The following GNPDA1 variants were observed in gnomAD, a reference collection of about 807,000 sequenced individuals.
GNPDA1 encodes the protein glucosamine-6-phosphate deaminase 1, also known as GNPDA 1.
GNPDA1 carries 24 observed loss-of-function variants against 28.5 expected under a neutral mutation model. The observed-to-expected ratio is 0.84, with a 90% CI of 0.61 to 1.19. The LOEUF (loss-of-function observed/expected upper bound fraction) is 1.19. Ranked by LOEUF, GNPDA1 falls within the 50% of genes most tolerant of loss-of-function variation. The probability of loss-of-function intolerance (pLI) is 0.00; values close to 1 mark genes in which losing one functional copy is unlikely to be tolerated. For synonymous variants in GNPDA1, 147 were observed against 139.3 expected (o/e 1.06, Z -0.39); for missense variants, 264 against 367.3 (o/e 0.72, Z 2.30).
intron 1 of GNPDA1, 186 bp downstream of exon 1, chr5:142,012,809 C>T (rs1755995939): frequency 6.4e-6 from 2 of 312,780 alleles, no homozygotes; most frequent in Non-Finnish European, 9.3e-6. Flanking sequence ...AGGTGGCCCG[C>T]GCGGTCGTCG....
At chr5:142,005,284 C>T in intron 4 of GNPDA1, 168 bp from the exon 5 acceptor site, 1 of 517,994 alleles carries the variant, frequency 1.9e-6, no homozygotes, top group African/African-American at 1.9e-5. Flanking sequence ...TGATCTGTCC[C>T]CCTCCCTACC....
At chr5:142,004,841 A>T in intron 5 of GNPDA1, 91 bp downstream of exon 5, 1 of 793,556 alleles carries the variant, frequency 1.3e-6, no homozygotes, top group Non-Finnish European at 1.9e-6. Flanking sequence ...CTTCATCTTT[A>T]ATAAGAATGT....
chr5:142,007,662 C>A (rs1057166966), intron 3 of GNPDA1, 137 bp downstream of exon 3: 4 of 646,310 alleles, frequency 6.2e-6, no homozygotes, highest in East Asian at 2.6e-5. Context: ...GCTGAGTAAA[C>A]CAAGAGGTAA....
At chr5:142,006,372 C>A in intron 3 of GNPDA1, 46 bp from the exon 4 acceptor site, 1 of 1,441,710 alleles carries the variant, frequency 6.9e-7, no homozygotes, top group Non-Finnish European at 9.7e-7. Flanking sequence ...CAAGCCAAAG[C>A]CCCTCTCCTA....
Position 142,003,533 on chromosome 5 carries a change from T to C in GNPDA1, c.595-271A>G, listed in dbSNP as rs1384596409. ...CATGTTCTTGACTACCACGTGACAG[T>C]GCCTCCAGGTATCTTTGATGATGAC... On this transcript the variant is annotated intron_variant, in intron 5 of 6. Transcript: ENST00000311337. The surrounding 1 kb of genome is among the most constrained non-coding windows in gnomAD (Gnocchi z 4.0). Among the ~76,000 whole-genome samples the C allele has an allele frequency of 6.6e-6, 1 of 152,154 alleles. No individual in the cohort carries two copies. Among genetic ancestry groups the C allele is most frequent in the Non-Finnish European group, 1.5e-5 (1 of 68,026 alleles).
chr5:142,001,752 A>T lies in GNPDA1; in HGVS notation c.*277T>A. 3.5e-6 allele frequency: 1 copy of T among 283,538 alleles called. No homozygotes were observed. Among genetic ancestry groups the T allele is most frequent in the Non-Finnish European group, 6.6e-6 (1 of 152,534 alleles). The allele number at this position is 283,538 out of a possible 1,614,324, so 17.6% of individuals were successfully genotyped here. A position where few individuals can be genotyped will look rare whatever the true frequency, so the allele number is the denominator to read the frequency against. ...CATATGTGTGAACCATGGCTGAAGCAGAACAAAAAGTTTAAAACTCCCAAC... is the reference window on the plus strand; with the variant it reads ...CATATGTGTGAACCATGGCTGAAGCTGAACAAAAAGTTTAAAACTCCCAAC... On this transcript the variant is annotated 3_prime_UTR_variant, in exon 7 of 7. Transcript: ENST00000311337.
intron 3 of GNPDA1, among the ~76,000 whole-genome samples, chr5:142,007,558 T>C (rs187309091): frequency 1.8e-4 from 27 of 152,358 alleles, no homozygotes; most frequent in Non-Finnish European, 3.4e-4. Context: ...GTATTTGTTA[T>C]GTATAAGAAA....
chr5:142,011,796 C>G, intron 2 of GNPDA1, 116 bp downstream of exon 2: 1 of 1,204,918 alleles, frequency 8.3e-7, no homozygotes, highest in South Asian at 1.3e-5. Context: ...GCTCTCTCAG[C>G]ACCAGTACCC....
intron 2 of GNPDA1, 146 bp downstream of exon 2, chr5:142,011,766 T>C (rs547985465): frequency 1.3e-3 from 1,024 of 798,086 alleles, no homozygotes; most frequent in Middle Eastern, 3.2e-3. Context: ...GTCCTTTGTA[T>C]GTGGAAGGGG....
Position 142,003,385 on chromosome 5 carries a change from T to C in GNPDA1, c.595-123A>G, listed in dbSNP as rs1755724428. 1.6e-6 allele frequency: 1 copy of C among 606,120 alleles called. No individual in the cohort carries two copies. Among genetic ancestry groups the C allele is most frequent in the Non-Finnish European group, 2.9e-6 (1 of 349,842 alleles). The allele number at this position is 606,120 out of a possible 1,614,324, so 37.5% of individuals were successfully genotyped here. A position where few individuals can be genotyped will look rare whatever the true frequency, so the allele number is the denominator to read the frequency against. ...TACCATGCAACATACTTTTGCTCAG[T>C]GCTCCCTGTGCTTTATCACACAAAT... On this transcript the variant is annotated intron_variant, in intron 5 of 6. Transcript: ENST00000311337. The surrounding 1 kb of genome is among the most constrained non-coding windows in gnomAD (Gnocchi z 4.0).
chr5:142,001,244 A>AGTAT lies in GNPDA1; in HGVS notation c.*781_*784dup, dbSNP rs886548744. 3 of 148,074 alleles carry AGTAT rather than the reference A, an allele frequency of 2.0e-5. No individual in the cohort carries two copies. Among genetic ancestry groups the AGTAT allele is most frequent in the Non-Finnish European group, 4.4e-5 (3 of 67,524 alleles). 9.2% of individuals were successfully genotyped at this position (148,074 alleles called of 1,614,324 possible). The stretch of plus-strand genomic sequence containing the variant: ...CCAGTGGACCTCCCACTTACTAATG[A>AGTAT]GTATGTAAAACAGAGGAGCCACAGT... On this transcript the variant is annotated 3_prime_UTR_variant, in exon 7 of 7. Transcript: ENST00000311337.
intron 2 of GNPDA1, among the ~76,000 whole-genome samples, chr5:142,011,115 T>C (rs1156358035): frequency 1.3e-5 from 2 of 151,980 alleles, no homozygotes; most frequent in Admixed American, 6.6e-5. Flanking sequence ...CCAGGCTAAT[T>C]ATAGCTGCTT....
Position 142,007,798 on chromosome 5 carries a change from C to T in GNPDA1, c.226+1G>A, listed in dbSNP as rs760708313. 2.6e-6 allele frequency: 4 copies of T among 1,546,586 alleles called. No individual in the cohort carries two copies. In the South Asian group the frequency reaches 3.3e-5, roughly 13 times the overall value. On this transcript the variant is annotated splice_donor_variant, in intron 3 of 6. Coordinates refer to ENST00000311337, the MANE Select transcript of GNPDA1 (RefSeq NM_005471.5). LOFTEE classifies it high-confidence loss of function. ...AAGAACCTTGAAAGAGAAAGACTCA[C>T]CCACGTACTCATCCATGTTGAAGGT...
chr5:142,012,831 C>T, intron 1 of GNPDA1, 164 bp downstream of exon 1: 1 of 172,702 alleles, frequency 5.8e-6, no homozygotes, highest in Non-Finnish European at 1.2e-5. Flanking sequence ...TGGGGTACAG[C>T]GTGTCCCCCA....
chr5:142,005,996 C>CA, intron 4 of GNPDA1, 148 bp downstream of exon 4: 1 of 635,442 alleles, frequency 1.6e-6, no homozygotes, highest in Non-Finnish European at 2.8e-6. Context: ...TCCTGAGTAA[C>CA]AGAGCCAGGC....
At position 142,007,895 on chromosome 5, in the gene GNPDA1, T is replaced by C; in HGVS notation, c.130A>G (p.Thr44Ala). ...YFTLGLPTGS[T>A]PLGCYKKLIE... Reference sequence around the variant, plus strand: ...AGCTTCTTGTAGCAGCCAAGTGGGGTACTCCCTGCAAGAGTGGCCACACCC... The same window carrying C: ...AGCTTCTTGTAGCAGCCAAGTGGGGCACTCCCTGCAAGAGTGGCCACACCC... Residue 44 changes from threonine (T) to alanine (A), a missense_variant, in exon 3 of 7, where the codon ACC (threonine) becomes GCC (alanine). By Grantham distance (58) the Thr-to-Ala change is moderately conservative (BLOSUM62 0). Coordinates refer to ENST00000311337, the MANE Select transcript of GNPDA1 (RefSeq NM_005471.5). 6.2e-7 allele frequency: 1 copy of C among 1,601,464 alleles called. No individual in the cohort carries two copies. Among genetic ancestry groups the C allele is most frequent in the Non-Finnish European group, 8.6e-7 (1 of 1,168,526 alleles).
intron 1 of GNPDA1, chr5:142,012,538 A>C (rs1025751661): frequency 1.3e-5 from 2 of 155,034 alleles, no homozygotes; most frequent in African/African-American, 4.9e-5. Flanking sequence ...CGTCTACCCC[A>C]AGACTCTTCC....
intron 2 of GNPDA1, 29 bp downstream of exon 2, chr5:142,011,883 C>G: frequency 6.2e-7 from 1 of 1,613,424 alleles, no homozygotes; most frequent in Non-Finnish European, 8.5e-7. Flanking sequence ...CACCCTTATC[C>G]ACGGCACCCT....
chr5:142,005,169 A>T, intron 4 of GNPDA1, 53 bp from the exon 5 acceptor site: 1 of 1,356,902 alleles, frequency 7.4e-7, no homozygotes, highest in Non-Finnish European at 1.0e-6. Context: ...CCAAGATTTC[A>T]AGAATGGACA....
Sources: gnomAD v4.1 joint callset for allele counts (sites outside exome capture counted in the v4.1 genomes callset) on GRCh38, gnomAD v4.1.1 for gene constraint, Gnocchi (gnomAD v3.1) non-coding constraint, MANE v1.5 for transcripts, NCBI Gene and HGNC (gene_info 2026-07-23, HGNC 2026-07-21) for gene names.